CTNNBIP1: variants seen among roughly 807,000 people sequenced by gnomAD.
CTNNBIP1 encodes the protein catenin beta interacting protein 1, also known as beta-catenin-interacting protein 1.
CTNNBIP1 carries 7 observed loss-of-function variants against 11.8 expected under a neutral mutation model. The ratio of observed to expected loss-of-function variants is 0.60; its 90% CI spans 0.34 to 1.12. The LOEUF is 1.12. CTNNBIP1 is among the 50% of genes most tolerant of loss of function. CTNNBIP1 has a pLI of 0.03. For synonymous variants in CTNNBIP1, 58 were observed against 43.9 expected (o/e 1.32, Z -1.26); for missense variants, 101 against 113.4 (o/e 0.89, Z 0.50).
chr1:9,864,529 C>T (rs1301574009), intron 5 of CTNNBIP1, among the ~76,000 whole-genome samples: 1 of 152,208 alleles, frequency 6.6e-6, no homozygotes, highest in Non-Finnish European at 1.5e-5. Flanking sequence ...GGAGTTTCAC[C>T]ATGTTAGCCA....
chr1:9,878,786 C>T (rs1371319462), intron 2 of CTNNBIP1, among the ~76,000 whole-genome samples: 1 of 152,204 alleles, frequency 6.6e-6, no homozygotes, highest in East Asian at 1.9e-4. Flanking sequence ...ACCTGCTCTG[C>T]TGGGGTGCAA....
At chr1:9,852,903 C>T (rs1638421877) in intron 5 of CTNNBIP1, among the ~76,000 whole-genome samples, 1 of 152,184 alleles carries the variant, frequency 6.6e-6, no homozygotes, top group Non-Finnish European at 1.5e-5. Context: ...CCATTGGCTT[C>T]TCAGAGGAGC....
intron 1 of CTNNBIP1, among the ~76,000 whole-genome samples, chr1:9,892,550 A>C (rs1439538543): frequency 6.6e-6 from 1 of 151,340 alleles, no homozygotes; most frequent in East Asian, 1.9e-4. Flanking sequence ...CTATGATCAC[A>C]CCACTGCACC....
intron 1 of CTNNBIP1, among the ~76,000 whole-genome samples, chr1:9,906,295 C>T (rs745415840): frequency 1.1e-4 from 16 of 152,302 alleles, no homozygotes; most frequent in Non-Finnish European, 2.1e-4. Flanking sequence ...CGGTGGCTCA[C>T]GCCTGTAATC....
chr1:9,885,982 A>G (rs868659351), intron 1 of CTNNBIP1, among the ~76,000 whole-genome samples: 1 of 152,096 alleles, frequency 6.6e-6, no homozygotes, highest in African/African-American at 2.4e-5. Context: ...CCTGGTATAC[A>G]GCAAAGGCTC....
At chr1:9,860,786 A>G (rs1638610384) in intron 5 of CTNNBIP1, among the ~76,000 whole-genome samples, 1 of 152,096 alleles carries the variant, frequency 6.6e-6, no homozygotes, top group Non-Finnish European at 1.5e-5. Context: ...GGTGTCAGAC[A>G]TTCTGGGGTC....
intron 1 of CTNNBIP1, among the ~76,000 whole-genome samples, chr1:9,905,812 T>C (rs1639609250): frequency 1.3e-5 from 2 of 152,210 alleles, no homozygotes; most frequent in East Asian, 1.9e-4. Context: ...CATAAGAGCA[T>C]GCCTCTTAAA....
intron 1 of CTNNBIP1, among the ~76,000 whole-genome samples, chr1:9,885,315 A>G (rs745644838): frequency 1.3e-5 from 2 of 152,058 alleles, no homozygotes; most frequent in Non-Finnish European, 2.9e-5. Context: ...GACAATCACG[A>G]GCTGAATTTT....
At chr1:9,869,614 C>T (rs1400904318) in intron 5 of CTNNBIP1, among the ~76,000 whole-genome samples, 3 of 152,174 alleles carry the variant, frequency 2.0e-5, no homozygotes, top group Non-Finnish European at 2.9e-5. Flanking sequence ...TGTGAGCCAC[C>T]GTACCCGGCC....
intron 5 of CTNNBIP1, among the ~76,000 whole-genome samples, chr1:9,855,829 T>C (rs531061666): frequency 6.6e-6 from 1 of 151,848 alleles, no homozygotes; most frequent in South Asian, 2.1e-4. Flanking sequence ...CTGGACTCAA[T>C]TGATTCTCTC....
chr1:9,900,881 GAGA>G (rs964051748), intron 1 of CTNNBIP1, among the ~76,000 whole-genome samples: 19 of 152,316 alleles, frequency 1.2e-4, no homozygotes, highest in African/African-American at 4.3e-4. Flanking sequence ...CACACGGAGG[GAGA>G]AGGACCTTCT....
intron 1 of CTNNBIP1, among the ~76,000 whole-genome samples, chr1:9,900,633 G>GAGGA (rs1341564532): frequency 6.6e-6 from 1 of 152,216 alleles, no homozygotes; most frequent in Non-Finnish European, 1.5e-5. Context: ...CCTCAGGAGG[G>GAGGA]AGGAAGGAGC....
rs2101410205 is a variant in CTNNBIP1, at chr1:9,849,427, G to A, written c.*1291C>T. On this transcript the variant is annotated 3_prime_UTR_variant, in exon 6 of 6. Transcript: ENST00000377263. ...GGAGTGGAGGGCATGGGCCTCCGAT[G>A]AGAGAACTCCAGAGCTGGCCGGGAC... is the stretch of plus-strand genomic sequence containing the variant. 1 of 152,448 alleles carries A rather than the reference G, an allele frequency of 6.6e-6. No homozygotes were observed. Among genetic ancestry groups the A allele is most frequent in the South Asian group, 2.1e-4 (1 of 4,826 alleles). The allele number at this position is 152,448 out of a possible 1,614,324, so 9.4% of individuals were successfully genotyped here.
chr1:9,904,225 G>A (rs974591498), intron 1 of CTNNBIP1, among the ~76,000 whole-genome samples: 2 of 152,120 alleles, frequency 1.3e-5, no homozygotes, highest in Non-Finnish European at 2.9e-5. Context: ...CCAATAAAAT[G>A]CCCCAGGACT....
chr1:9,897,840 G>T (rs947850807), intron 1 of CTNNBIP1, among the ~76,000 whole-genome samples: 1 of 152,050 alleles, frequency 6.6e-6, no homozygotes, highest in African/African-American at 2.4e-5. Flanking sequence ...AAAAAATTTG[G>T]CCGGATGCGG....
intron 1 of CTNNBIP1, among the ~76,000 whole-genome samples, chr1:9,894,379 AGT>A (rs1408635424): frequency 6.6e-6 from 1 of 152,238 alleles, no homozygotes; most frequent in Non-Finnish European, 1.5e-5. Context: ...TTTTTGAAAC[AGT>A]GTCTCGCTCT....
intron 2 of CTNNBIP1, among the ~76,000 whole-genome samples, chr1:9,881,172 C>T (rs1302702620): frequency 6.6e-6 from 1 of 151,624 alleles, no homozygotes; most frequent in African/African-American, 2.4e-5. Context: ...CATGGCTGAA[C>T]CACAGGCATG....
intron 5 of CTNNBIP1, among the ~76,000 whole-genome samples, chr1:9,854,864 A>G (rs1412671954): frequency 6.6e-6 from 1 of 152,046 alleles, no homozygotes; most frequent in Admixed American, 6.6e-5. Flanking sequence ...TTTTGTAGAG[A>G]TGGGGTTTTG....
intron 1 of CTNNBIP1, among the ~76,000 whole-genome samples, chr1:9,905,461 C>T (rs1265866062): frequency 6.6e-6 from 1 of 151,116 alleles, no homozygotes; most frequent in Non-Finnish European, 1.5e-5. Flanking sequence ...CTTGCTTAGT[C>T]GCCCAGGCTG....
Sources: gnomAD v4.1 joint callset for allele counts (sites outside exome capture counted in the v4.1 genomes callset) on GRCh38, gnomAD v4.1.1 for gene constraint, MANE v1.5 for transcripts, NCBI Gene and HGNC (gene_info 2026-07-23, HGNC 2026-07-21) for gene names.